SYNDIG1: variants seen among roughly 807,000 people sequenced by gnomAD.
SYNDIG1 encodes the protein synapse differentiation-inducing gene protein 1.
A neutral mutation model predicts 19.4 loss-of-function variants in SYNDIG1; 9 were observed. The observed-to-expected ratio is 0.46, with a 90% CI of 0.28 to 0.81. The LOEUF (loss-of-function observed/expected upper bound fraction) is 0.81. Among genes scored for constraint, SYNDIG1 ranks in the 30% least tolerant of loss-of-function variants. The probability of loss-of-function intolerance (pLI) is 0.12; values close to 1 mark genes in which losing one functional copy is unlikely to be tolerated. For synonymous variants in SYNDIG1, 141 were observed against 145.9 expected, an observed-to-expected ratio of 0.97 and a Z score of 0.24; for missense variants, 311 against 343.3, an observed-to-expected ratio of 0.91 and a Z score of 0.74.
chr20:24,664,849 C>T (rs2059633786), intron 3 of SYNDIG1, among the ~76,000 whole-genome samples: 1 of 152,126 alleles, frequency 6.6e-6, no homozygotes, highest in Admixed American at 6.5e-5. Context: ...CGGAGTTTCT[C>T]TCGGGGAAAT....
At chr20:24,645,810 C>T (rs1033479332) in intron 3 of SYNDIG1, among the ~76,000 whole-genome samples, 1 of 152,214 alleles carries the variant, frequency 6.6e-6, no homozygotes, top group East Asian at 1.9e-4. Context: ...CATTTGATAT[C>T]ATCTCAACAG....
At chr20:24,535,683 A>T (rs536060548) in intron 1 of SYNDIG1, among the ~76,000 whole-genome samples, 195 of 152,298 alleles carry the variant, frequency 1.3e-3, no homozygotes, top group Non-Finnish European at 2.2e-3. Flanking sequence ...GGCTATAAAG[A>T]TTAATAACAA....
intron 3 of SYNDIG1, among the ~76,000 whole-genome samples, chr20:24,625,350 A>G (rs1460647684): frequency 6.6e-6 from 1 of 152,056 alleles, no homozygotes; most frequent in African/African-American, 2.4e-5. Context: ...ATATCATGAA[A>G]GAAAGACGGG....
chr20:24,573,805 C>T (rs2058182517), intron 2 of SYNDIG1, among the ~76,000 whole-genome samples: 1 of 152,168 alleles, frequency 6.6e-6, no homozygotes. Context: ...ATAGGGCTGC[C>T]CCAGGGCAGT....
In SYNDIG1 at chr20:24,540,902, C is replaced by T. The variant is rs2057455967; in HGVS notation, c.-78-2118C>T. On this transcript the variant is annotated intron_variant, in intron 1 of 3. Coordinates refer to ENST00000376862, the MANE Select transcript of SYNDIG1 (RefSeq NM_024893.3). ...GCTTTGGTGTCAGGGTAATGCTGAC[C>T]TCATGGAATGACTTAGGAAGTGCTC... is the stretch of plus-strand genomic sequence containing the variant. 3.3e-5 allele frequency among the ~76,000 whole-genome samples: 5 copies of T among 152,074 alleles called. No homozygotes were observed. In the South Asian group the frequency reaches 1.0e-3, roughly 32 times the overall value.
intron 1 of SYNDIG1, among the ~76,000 whole-genome samples, chr20:24,490,663 A>G (rs1055914397): frequency 6.6e-6 from 1 of 152,106 alleles, no homozygotes; most frequent in African/African-American, 2.4e-5. Context: ...GCTCAGCAGG[A>G]TTGTCACGAA....
At chr20:24,627,013 C>T (rs1393898761) in intron 3 of SYNDIG1, among the ~76,000 whole-genome samples, 2 of 151,346 alleles carry the variant, frequency 1.3e-5, no homozygotes, top group Non-Finnish European at 2.9e-5. Context: ...TGCAGTGAGC[C>T]GAGATGGCAG....
intron 1 of SYNDIG1, chr20:24,491,340 T>C (rs2056141902): frequency 6.6e-6 from 1 of 152,242 alleles, no homozygotes; most frequent in Admixed American, 6.5e-5. Context: ...GACAGGATGC[T>C]CAAGTCTTTT....
At position 24,658,266 on chromosome 20, in the gene SYNDIG1, C is replaced by T. The variant is rs952140199; in HGVS notation, c.619-7080C>T. ...GTGGGTCCTGGCCTGTCTGAGACAG[C>T]CCAGAGCCCAGCACTTCAGACATCT... is the stretch of plus-strand genomic sequence containing the variant. On this transcript the variant is annotated intron_variant, in intron 3 of 3. Coordinates refer to ENST00000376862, the MANE Select transcript of SYNDIG1 (RefSeq NM_024893.3). The surrounding 1 kb of genome is among the most constrained non-coding windows in gnomAD (Gnocchi z 4.4). Among the ~76,000 whole-genome samples the T allele has an allele frequency of 6.6e-6, 1 of 152,032 alleles. No homozygotes were observed. Among genetic ancestry groups the T allele is most frequent in the African/African-American group, 2.4e-5 (1 of 41,400 alleles).
chr20:24,524,644 T>G (rs1040906468), intron 1 of SYNDIG1, among the ~76,000 whole-genome samples: 2 of 146,784 alleles, frequency 1.4e-5, no homozygotes, highest in African/African-American at 5.2e-5. Flanking sequence ...AGACTCTGTC[T>G]CAAAAAAAAA....
intron 1 of SYNDIG1, among the ~76,000 whole-genome samples, chr20:24,481,546 C>T (rs911890073): frequency 1.3e-5 from 2 of 152,214 alleles, no homozygotes; most frequent in African/African-American, 2.4e-5. Context: ...TCTGGGTCAG[C>T]GCCACAAGAT....
intron 2 of SYNDIG1, among the ~76,000 whole-genome samples, chr20:24,553,212 C>G (rs1221910447): frequency 2.0e-5 from 3 of 151,640 alleles, no homozygotes; most frequent in African/African-American, 7.3e-5. Flanking sequence ...GGATATTAGC[C>G]CTTTGTCAGA....
chr20:24,655,896 C>A (rs2059520312), intron 3 of SYNDIG1, among the ~76,000 whole-genome samples: 1 of 152,174 alleles, frequency 6.6e-6, no homozygotes, highest in Non-Finnish European at 1.5e-5. Flanking sequence ...TGCATTCCTG[C>A]AACAAGAGCC....
intron 1 of SYNDIG1, among the ~76,000 whole-genome samples, chr20:24,541,579 T>G (rs1055814743): frequency 3.9e-5 from 6 of 152,106 alleles, no homozygotes; most frequent in African/African-American, 1.4e-4. Flanking sequence ...TCTGCCAAGC[T>G]CAAAACCAGA....
chr20:24,624,710 T>A (rs1433011197), intron 3 of SYNDIG1, among the ~76,000 whole-genome samples: 2 of 152,194 alleles, frequency 1.3e-5, no homozygotes, highest in Admixed American at 6.5e-5. Context: ...CTTATTAACA[T>A]TAAAAGAACA....
intron 2 of SYNDIG1, among the ~76,000 whole-genome samples, chr20:24,578,609 A>C (rs1278101347): frequency 6.6e-6 from 1 of 152,200 alleles, no homozygotes; most frequent in African/African-American, 2.4e-5. Flanking sequence ...GGCTCTGATG[A>C]GAAGTGGCAT....
At chr20:24,554,599 G>C (rs2057773281) in intron 2 of SYNDIG1, among the ~76,000 whole-genome samples, 1 of 152,128 alleles carries the variant, frequency 6.6e-6, no homozygotes, top group Non-Finnish European at 1.5e-5. Flanking sequence ...TATATGCTGG[G>C]TTACATTTAT....
intron 2 of SYNDIG1, among the ~76,000 whole-genome samples, chr20:24,560,351 T>C (rs2057916637): frequency 6.6e-6 from 1 of 152,146 alleles, no homozygotes; most frequent in African/African-American, 2.4e-5. Context: ...CCTCCACAGA[T>C]ATTTGAGGTT....
chr20:24,528,403 C>T (rs1485909825), intron 1 of SYNDIG1, among the ~76,000 whole-genome samples: 2 of 152,176 alleles, frequency 1.3e-5, no homozygotes, highest in African/African-American at 2.4e-5. Flanking sequence ...GCTGTTACAA[C>T]AAAATACCAC....
Sources: allele counts gnomAD v4.1 joint callset (sites outside exome capture counted in the v4.1 genomes callset), GRCh38; gene constraint gnomAD v4.1.1; non-coding constraint Gnocchi (gnomAD v3.1); transcripts MANE v1.5; gene names NCBI Gene and HGNC (gene_info 2026-07-23, HGNC 2026-07-21).